RBFOX1: variants seen among roughly 807,000 people sequenced by gnomAD.
The protein encoded by RBFOX1 is RNA binding protein fox-1 homolog 1.
In RBFOX1, 8 loss-of-function variants were observed where a neutral mutation model predicts 57.7. That is an observed-to-expected ratio of 0.14 (90% CI 0.08 to 0.25). The LOEUF is 0.25. Among genes scored for constraint, RBFOX1 ranks in the 10% least tolerant of loss-of-function variants. The probability of loss-of-function intolerance (pLI) is 1.00; values close to 1 mark genes in which losing one functional copy is unlikely to be tolerated. For missense variants in RBFOX1, 611 were observed against 548.5 expected, an observed-to-expected ratio of 1.11 and a Z score of -1.14; for synonymous variants, 326 against 222.4, an observed-to-expected ratio of 1.47 and a Z score of -4.15.
Position 5,832,599 on chromosome 16 carries a change from A to G in RBFOX1, c.319-34704A>G, listed in dbSNP as rs932636396. The stretch of plus-strand genomic sequence containing the variant: ...CTGTTAGGCTTCTGATTATACTGCA[A>G]TTACACCTATTTGATGTCTCTCCCA... On this transcript the variant is annotated intron_variant, in intron 3 of 19. Transcript: ENST00000641259. 5.3e-5 allele frequency among the ~76,000 whole-genome samples: 8 copies of G among 152,202 alleles called. 1 individual carries two copies. The highest frequency in any genetic ancestry group is 1.4e-4 in the African/African-American group (6 of 41,456).
intron 3 of RBFOX1, among the ~76,000 whole-genome samples, chr16:6,826,722 T>G (rs1055583968): frequency 6.6e-6 from 1 of 152,172 alleles, no homozygotes; most frequent in Non-Finnish European, 1.5e-5. Flanking sequence ...TTTATTTTTC[T>G]CACGCTCATT....
intron 10 of RBFOX1, among the ~76,000 whole-genome samples, chr16:7,608,961 G>T (rs915918104): frequency 3.3e-5 from 5 of 152,080 alleles, no homozygotes; most frequent in Non-Finnish European, 7.4e-5. Flanking sequence ...CATTTAGGGG[G>T]TGTTAATTTC....
intron 4 of RBFOX1, among the ~76,000 whole-genome samples, chr16:7,175,614 T>A (rs970342983): frequency 6.6e-6 from 1 of 152,106 alleles, no homozygotes; most frequent in Admixed American, 6.5e-5. Context: ...AAAGGTAGGG[T>A]TTGGATCCAT....
At chr16:7,299,272 A>T (rs2095973240) in intron 4 of RBFOX1, among the ~76,000 whole-genome samples, 1 of 152,212 alleles carries the variant, frequency 6.6e-6, no homozygotes, top group Non-Finnish European at 1.5e-5. Context: ...TCTTTTAGGC[A>T]AAAGATGGCC....
chr16:6,868,137 G>T (rs1030053051), intron 3 of RBFOX1, among the ~76,000 whole-genome samples: 1 of 152,160 alleles, frequency 6.6e-6, no homozygotes, highest in Admixed American at 6.5e-5. Flanking sequence ...ATACTCATTT[G>T]AAATTAGCAA....
intron 3 of RBFOX1, among the ~76,000 whole-genome samples, chr16:5,710,062 C>A (rs2051428032): frequency 6.6e-6 from 1 of 150,802 alleles, no homozygotes. Context: ...GTATCTTCAG[C>A]ACCCGGGACA....
chr16:5,724,340 A>T (rs921086492), intron 3 of RBFOX1, among the ~76,000 whole-genome samples: 1 of 152,192 alleles, frequency 6.6e-6, no homozygotes. Context: ...TTTCACTGCC[A>T]TTTGGGGAGA....
intron 1 of RBFOX1, among the ~76,000 whole-genome samples, chr16:5,442,028 C>G (rs1031267130): frequency 6.6e-6 from 1 of 152,022 alleles, no homozygotes; most frequent in Non-Finnish European, 1.5e-5. Context: ...TTCCTATGAC[C>G]GGGGAGATAG....
intron 3 of RBFOX1, among the ~76,000 whole-genome samples, chr16:5,833,212 G>A (rs1347851751): frequency 6.6e-6 from 1 of 152,126 alleles, no homozygotes; most frequent in Non-Finnish European, 1.5e-5. Context: ...TATGAAATCT[G>A]GCCAGGCGTG....
intron 11 of RBFOX1, among the ~76,000 whole-genome samples, chr16:7,645,422 A>C (rs1434055946): frequency 6.6e-6 from 1 of 152,178 alleles, no homozygotes; most frequent in African/African-American, 2.4e-5. Context: ...TCTTTCCCCA[A>C]ATAAATGGCA....
At chr16:6,750,791 T>C (rs1248377490) in intron 3 of RBFOX1, among the ~76,000 whole-genome samples, 3 of 152,074 alleles carry the variant, frequency 2.0e-5, no homozygotes, top group African/African-American at 7.3e-5. Flanking sequence ...GTGGTGGAAG[T>C]GAGAAAAACA....
chr16:6,931,217 C>G (rs1013854019), intron 3 of RBFOX1, among the ~76,000 whole-genome samples: 3 of 151,606 alleles, frequency 2.0e-5, no homozygotes, highest in Admixed American at 6.6e-5. Flanking sequence ...CCTCTTCTCT[C>G]TACTGATGGG....
At position 7,044,470 on chromosome 16, in the gene RBFOX1, G is replaced by T. The variant is rs191511351; in HGVS notation, c.-15-7587G>T. Among the ~76,000 whole-genome samples, 327 of 152,260 alleles carry T rather than the reference G, an allele frequency of 2.1e-3. 2 individuals are homozygous for T. Among genetic ancestry groups the T allele is most frequent in the African/African-American group, 7.7e-3 (320 of 41,544 alleles). On this transcript the variant is annotated intron_variant, in intron 3 of 15. Coordinates refer to ENST00000550418, the MANE Select transcript of RBFOX1 (RefSeq NM_018723.4). Reference sequence around the variant, plus strand: ...TTGGCTAAATGAAGATAGGAGACGGGGAAGATGAATCCCTGCTATTAAACA... The same window carrying T: ...TTGGCTAAATGAAGATAGGAGACGGTGAAGATGAATCCCTGCTATTAAACA...
intron 2 of RBFOX1, among the ~76,000 whole-genome samples, chr16:6,639,642 C>G (rs767356950): frequency 1.4e-4 from 22 of 152,056 alleles, no homozygotes; most frequent in Non-Finnish European, 2.8e-4. Context: ...TTTGGGAGGC[C>G]GAGGCGGGCG....
intron 4 of RBFOX1, among the ~76,000 whole-genome samples, chr16:7,273,204 C>CCTTCCTCCCTT (rs2095367580): frequency 5.7e-5 from 2 of 35,170 alleles, no homozygotes; most frequent in Non-Finnish European, 5.0e-5. Flanking sequence ...CTTCCTCCCT[C>CCTTCCTCCCTT]CCTTCCTTCC....
At chr16:5,266,483 A>T (rs913702052) in intron 1 of RBFOX1, among the ~76,000 whole-genome samples, 1 of 151,730 alleles carries the variant, frequency 6.6e-6, no homozygotes, top group African/African-American at 2.4e-5. Flanking sequence ...GACCCCAGGA[A>T]TATCCTGGAA....
chr16:5,864,353 G>A (rs1001165623), intron 3 of RBFOX1, among the ~76,000 whole-genome samples: 3 of 152,180 alleles, frequency 2.0e-5, no homozygotes, highest in Admixed American at 2.0e-4. Context: ...CATTATCAAT[G>A]TAAACATCTT....
intron 3 of RBFOX1, among the ~76,000 whole-genome samples, chr16:6,714,878 C>G (rs772565084): frequency 5.9e-5 from 9 of 152,076 alleles, no homozygotes; most frequent in Non-Finnish European, 8.8e-5. Flanking sequence ...AGAAAAAAGT[C>G]TCTAGAAGGC....
chr16:6,450,491 C>T (rs565699173), intron 2 of RBFOX1, among the ~76,000 whole-genome samples: 47 of 151,166 alleles, frequency 3.1e-4, no homozygotes, highest in African/African-American at 1.0e-3. Context: ...CCTTCCATGC[C>T]GATTGGTAGG....
Sources: allele counts gnomAD v4.1 joint callset (sites outside exome capture counted in the v4.1 genomes callset), GRCh38; gene constraint gnomAD v4.1.1; transcripts MANE v1.5; gene names NCBI Gene and HGNC (gene_info 2026-07-23, HGNC 2026-07-21).